MEI4: variants seen among roughly 807,000 people sequenced by gnomAD.
The protein encoded by MEI4 is meiosis-specific protein MEI4.
Under a neutral mutation model 31.4 loss-of-function variants are expected in MEI4, and 27 were observed. The ratio of observed to expected loss-of-function variants is 0.86; its 90% CI spans 0.63 to 1.19. MEI4 has a LOEUF of 1.19. Among genes scored for constraint, MEI4 ranks in the 50% most tolerant of loss-of-function variants. The pLI, the probability that MEI4 is intolerant of heterozygous loss-of-function variation, is 0.00. For synonymous variants in MEI4, 122 were observed against 145.4 expected (o/e 0.84, Z 1.16); for missense variants, 329 against 398.9 (o/e 0.82, Z 1.49).
intron 3 of MEI4, among the ~76,000 whole-genome samples, chr6:77,822,993 G>A (rs569027961): frequency 2.0e-5 from 3 of 152,118 alleles, no homozygotes; most frequent in African/African-American, 7.2e-5. Flanking sequence ...GGGACTAGCT[G>A]AGTCACTGGC....
chr6:77,877,444 G>C (rs1771368386), intron 4 of MEI4, among the ~76,000 whole-genome samples: 1 of 151,072 alleles, frequency 6.6e-6, no homozygotes, highest in Admixed American at 6.6e-5. Context: ...CAGAAAGAAG[G>C]AAAATTAAGC....
At chr6:77,745,834 C>A (rs1268026844) in intron 2 of MEI4, among the ~76,000 whole-genome samples, 1 of 152,144 alleles carries the variant, frequency 6.6e-6, no homozygotes, top group Non-Finnish European at 1.5e-5. Context: ...AACCGCTCAA[C>A]TACATGGAAA....
At chr6:77,714,831 C>T (rs544370918) in intron 2 of MEI4, among the ~76,000 whole-genome samples, 1 of 152,288 alleles carries the variant, frequency 6.6e-6, no homozygotes, top group South Asian at 2.1e-4. Context: ...CATGATCTCT[C>T]AACACTCATG....
chr6:77,700,576 A>C (rs1766193678), intron 2 of MEI4, among the ~76,000 whole-genome samples: 1 of 152,172 alleles, frequency 6.6e-6, no homozygotes, highest in Non-Finnish European at 1.5e-5. Context: ...GCTTCGGCTC[A>C]CATACGGTGT....
chr6:77,767,938 A>G (rs1768215523), intron 3 of MEI4, among the ~76,000 whole-genome samples: 1 of 152,206 alleles, frequency 6.6e-6, no homozygotes, highest in Non-Finnish European at 1.5e-5. Flanking sequence ...ATTTACTTTC[A>G]AAGTATACTA....
intron 2 of MEI4, among the ~76,000 whole-genome samples, chr6:77,739,985 T>G (rs549323468): frequency 6.6e-6 from 1 of 152,226 alleles, no homozygotes. Context: ...GTCCCAGAGA[T>G]CCTGTTATGT....
At chr6:77,755,851 T>C (rs74587116) in intron 2 of MEI4, among the ~76,000 whole-genome samples, 44 of 151,814 alleles carry the variant, frequency 2.9e-4, no homozygotes, top group African/African-American at 3.9e-4. Flanking sequence ...TGTGTGTGTG[T>C]GTGTATTTTA....
At chr6:77,815,521 T>C (rs1299334477) in intron 3 of MEI4, among the ~76,000 whole-genome samples, 3 of 152,232 alleles carry the variant, frequency 2.0e-5, no homozygotes, top group South Asian at 2.1e-4. Context: ...GTCAGAAGAA[T>C]GATGAGTTGA....
rs550127734 is a variant in MEI4, at chr6:77,780,469, A to G, written c.768+18804A>G. Among the ~76,000 whole-genome samples, 10 of 152,308 alleles carry G rather than the reference A, an allele frequency of 6.6e-5. No homozygotes were observed. The South Asian group carries it at 1.7e-3, about 25-fold the overall frequency. On this transcript the variant is annotated intron_variant, in intron 3 of 4. Transcript: ENST00000684080. ...CCACAACTGTTTCTGTGAGTGGCCC[A>G]GCCCCATAGCAGCTCTTTCACTGAA...
chr6:77,918,765 T>A (rs1766628331), intron 4 of MEI4, among the ~76,000 whole-genome samples: 1 of 151,844 alleles, frequency 6.6e-6, no homozygotes, highest in African/African-American at 2.4e-5. Context: ...TTTATTTCCT[T>A]CTCCTGCCTA....
Position 77,923,886 on chromosome 6 carries a change from T to A in MEI4, c.*540T>A, listed in dbSNP as rs1167375218. 6.6e-6 allele frequency: 1 copy of A among 151,804 alleles called. No homozygotes were observed. The highest frequency in any genetic ancestry group is 1.9e-4 in the East Asian group (1 of 5,178). 9.4% of individuals were successfully genotyped at this position (151,804 alleles called of 1,614,324 possible). On this transcript the variant is annotated 3_prime_UTR_variant, in exon 5 of 5. Coordinates refer to ENST00000684080, the MANE Select transcript of MEI4 (RefSeq NM_001322247.2). ...ACTTTTTTAACATTTGGAAACTTAA[T>A]TGCTTTTTATTTATTTCAATTTCAT... is the stretch of plus-strand genomic sequence containing the variant.
chr6:77,761,293 A>G lies in MEI4; in HGVS notation c.396A>G (p.Pro132=), dbSNP rs1768038597. Reference sequence around the variant, plus strand: ...GCTGTACCCCCACTCACTTTCCACCACTGCCTCTTGTGAAAAGACCTTGTG... The same window carrying G: ...GCTGTACCCCCACTCACTTTCCACCGCTGCCTCTTGTGAAAAGACCTTGTG... The part of the protein sequence containing the change: ...VESCTPTHFP[P]LPLVKRPCAI... Residue 132 remains proline (P), a synonymous_variant, in exon 3 of 5, where the codon CCA becomes CCG. Transcript: ENST00000684080. The G allele has an allele frequency of 2.1e-5, 26 of 1,232,548 alleles. No individual in the cohort carries two copies. Among genetic ancestry groups the G allele is most frequent in the Non-Finnish European group, 2.6e-5 (26 of 988,080 alleles). The allele number at this position is 1,232,548 out of a possible 1,614,324, so 76.4% of individuals were successfully genotyped here.
At chr6:77,851,506 C>T (rs1770620041) in intron 4 of MEI4, among the ~76,000 whole-genome samples, 1 of 151,560 alleles carries the variant, frequency 6.6e-6, no homozygotes, top group African/African-American at 2.4e-5. Flanking sequence ...AGCTGGAAAC[C>T]ATCATTCTCA....
intron 4 of MEI4, among the ~76,000 whole-genome samples, chr6:77,834,953 A>G (rs1232225375): frequency 1.3e-5 from 2 of 152,132 alleles, no homozygotes; most frequent in African/African-American, 4.8e-5. Context: ...TCTGGATCCT[A>G]CAGAAACCCT....
intron 2 of MEI4, among the ~76,000 whole-genome samples, chr6:77,735,437 G>A: frequency 6.6e-6 from 1 of 151,920 alleles, no homozygotes; most frequent in East Asian, 1.9e-4. Context: ...GGCTCCTGAG[G>A]CTTCTGCATT....
At chr6:77,896,971 CACTT>C (rs773047928) in intron 4 of MEI4, among the ~76,000 whole-genome samples, 37 of 151,968 alleles carry the variant, frequency 2.4e-4, no homozygotes, top group Non-Finnish European at 3.4e-4. Context: ...CAGTAGATAA[CACTT>C]ACTTGAACGT....
At chr6:77,671,006 T>C (rs1339598430) in intron 1 of MEI4, among the ~76,000 whole-genome samples, 1 of 151,898 alleles carries the variant, frequency 6.6e-6, no homozygotes, top group Non-Finnish European at 1.5e-5. Context: ...AAAGTGCTTT[T>C]CCTTTTTTAG....
intron 2 of MEI4, among the ~76,000 whole-genome samples, chr6:77,706,767 C>A (rs1050903136): frequency 6.6e-6 from 1 of 152,112 alleles, no homozygotes; most frequent in African/African-American, 2.4e-5. Flanking sequence ...GCACTTCTCT[C>A]CCTCTCTCTT....
chr6:77,787,904 G>C (rs919920048), intron 3 of MEI4, among the ~76,000 whole-genome samples: 5 of 152,124 alleles, frequency 3.3e-5, no homozygotes, highest in African/African-American at 1.2e-4. Flanking sequence ...GTTGGATTTG[G>C]TTTGCCAATA....
Sources: allele counts gnomAD v4.1 joint callset (sites outside exome capture counted in the v4.1 genomes callset), GRCh38; gene constraint gnomAD v4.1.1; transcripts MANE v1.5; gene names NCBI Gene and HGNC (gene_info 2026-07-23, HGNC 2026-07-21).